Variants in MON2 observed in about 807,000 individuals in gnomAD.
MON2 encodes the protein MON2 regulator of endosome-to-Golgi trafficking, also known as protein MON2 homolog.
In MON2, 84 loss-of-function variants were observed where a neutral mutation model predicts 208.6. The ratio of observed to expected loss-of-function variants is 0.40; its 90% CI spans 0.34 to 0.48. The LOEUF is 0.48. MON2 is among the 20% of genes least tolerant of loss of function. The probability of loss-of-function intolerance (pLI) is 0.59; values close to 1 mark genes in which losing one functional copy is unlikely to be tolerated. For missense variants in MON2, 1,611 were observed against 2,015.4 expected, an observed-to-expected ratio of 0.80 and a Z score of 3.84; for synonymous variants, 660 against 694.0, an observed-to-expected ratio of 0.95 and a Z score of 0.77.
At chr12:62,546,206 AAT>A (rs750559115) in intron 21 of MON2, among the ~76,000 whole-genome samples, 1 of 152,208 alleles carries the variant, frequency 6.6e-6, no homozygotes, top group African/African-American at 2.4e-5. Flanking sequence ...GATATACATT[AAT>A]AAAGTAAATG....
chr12:62,533,918 C>G (rs2072779812), intron 12 of MON2, among the ~76,000 whole-genome samples: 1 of 152,172 alleles, frequency 6.6e-6, no homozygotes, highest in African/African-American at 2.4e-5. Flanking sequence ...ATTTGTAATT[C>G]CCTTCTCCAA....
At chr12:62,502,081 G>T (rs1276314051) in intron 7 of MON2, among the ~76,000 whole-genome samples, 1 of 152,038 alleles carries the variant, frequency 6.6e-6, no homozygotes, top group Non-Finnish European at 1.5e-5. Context: ...TTAGCCAGGC[G>T]TGATGGCGGG....
chr12:62,597,699 T>C lies in MON2; in HGVS notation c.*4950T>C, dbSNP rs901961710. The C allele has an allele frequency of 6.6e-6, 1 of 152,224 alleles. No homozygotes were observed. The highest frequency in any genetic ancestry group is 2.4e-5 in the African/African-American group (1 of 41,450). The allele number at this position is 152,224 out of a possible 1,614,324, so 9.4% of individuals were successfully genotyped here. ...AAATTTGGAATAATCATGTCTTTTCTGTTATGTGGGTAGAGAGATTATATA... is the reference window on the plus strand; with the variant it reads ...AAATTTGGAATAATCATGTCTTTTCCGTTATGTGGGTAGAGAGATTATATA... On this transcript the variant is annotated 3_prime_UTR_variant, in exon 35 of 35. Coordinates refer to ENST00000393630, the MANE Select transcript of MON2 (RefSeq NM_015026.3).
rs2030119408 is a variant in MON2, at chr12:62,594,663, A to G, written c.*1914A>G. On this transcript the variant is annotated 3_prime_UTR_variant, in exon 35 of 35. Transcript: ENST00000393630. The stretch of plus-strand genomic sequence containing the variant: ...ATGGTCTGTTCTTGAGAAATAAAAG[A>G]TCAGTTGCAATTAGGATAATTAAAT... The G allele has an allele frequency of 6.6e-6, 1 of 152,246 alleles. No individual in the cohort carries two copies. The highest frequency in any genetic ancestry group is 2.1e-4 in the South Asian group (1 of 4,838). 9.4% of individuals were successfully genotyped at this position (152,246 alleles called of 1,614,324 possible). A position where few individuals can be genotyped will look rare whatever the true frequency, so the allele number is the denominator to read the frequency against.
intron 5 of MON2, among the ~76,000 whole-genome samples, chr12:62,500,174 A>G (rs1026015866): frequency 2.0e-5 from 3 of 152,222 alleles, no homozygotes; most frequent in African/African-American, 4.8e-5. Context: ...AATACTTTAT[A>G]GTAAGGTAGA....
rs201512628 is a variant in MON2 at position 62,516,314 on chromosome 12, G to A, written c.984+7834G>A. On this transcript the variant is annotated intron_variant, in intron 8 of 34. Transcript: ENST00000393630. ...TGGGGAGCAGGGGGAAAGTAGGGATGGTTAATGGGTACAAAAATATGGGTA... is the reference window on the plus strand; with the variant it reads ...TGGGGAGCAGGGGGAAAGTAGGGATAGTTAATGGGTACAAAAATATGGGTA... Among the ~76,000 whole-genome samples the A allele has an allele frequency of 2.6e-5, 4 of 152,160 alleles. No homozygotes were observed. The East Asian group carries it at 7.7e-4, about 29-fold the overall frequency.
At chr12:62,558,602 T>C (rs970482148) in intron 25 of MON2, among the ~76,000 whole-genome samples, 2 of 152,202 alleles carry the variant, frequency 1.3e-5, no homozygotes, top group Non-Finnish European at 2.9e-5. Context: ...TTTTAATTGT[T>C]TGACATTTTA....
At chr12:62,474,318 A>T (rs10747965) in intron 1 of MON2, among the ~76,000 whole-genome samples, 74,480 of 151,576 alleles carry the variant, frequency 0.49, 18,546 homozygotes, top group Middle Eastern at 0.61. Context: ...GGGTTTCACC[A>T]TGTTGGCCAG....
chr12:62,513,582 C>G (rs574190041), intron 8 of MON2, among the ~76,000 whole-genome samples: 2 of 152,204 alleles, frequency 1.3e-5, no homozygotes, highest in Admixed American at 6.5e-5. Context: ...CTTTTATGCT[C>G]TGTTTCCCTT....
chr12:62,559,399 G>A (rs2074113559), intron 25 of MON2, among the ~76,000 whole-genome samples: 1 of 152,182 alleles, frequency 6.6e-6, no homozygotes, highest in Non-Finnish European at 1.5e-5. Flanking sequence ...GCTCATGGCT[G>A]TAATCCCAGC....
At chr12:62,569,752 G>C (rs1029044616) in intron 29 of MON2, among the ~76,000 whole-genome samples, 8 of 152,138 alleles carry the variant, frequency 5.3e-5, no homozygotes, top group African/African-American at 1.9e-4. Flanking sequence ...TGGAAGTAGG[G>C]ACAGTTCCTC....
At chr12:62,578,952 G>C (rs1268265278) in intron 31 of MON2, among the ~76,000 whole-genome samples, 4 of 152,060 alleles carry the variant, frequency 2.6e-5, no homozygotes, top group African/African-American at 7.2e-5. Context: ...AATATATTTT[G>C]AGGCTGGGAA....
chr12:62,540,926 AAG>A (rs1228012114), intron 19 of MON2, among the ~76,000 whole-genome samples: 1 of 152,234 alleles, frequency 6.6e-6, no homozygotes. Context: ...TTATTGAAAA[AAG>A]AATGTTCATC....
rs1272312695 is a variant in MON2 at position 62,593,782 on chromosome 12, G to T, written c.*1033G>T. The T allele has an allele frequency of 6.6e-6, 1 of 152,132 alleles. No individual in the cohort carries two copies. The highest frequency in any genetic ancestry group is 1.5e-5 in the Non-Finnish European group (1 of 68,000). 9.4% of individuals were successfully genotyped at this position (152,132 alleles called of 1,614,324 possible). A position where few individuals can be genotyped will look rare whatever the true frequency, so the allele number is the denominator to read the frequency against. ...GATTTTCTAAAATCTTGCCTGTGAG[G>T]TTTTGTTCATATCAGTGCTTCATTT... On this transcript the variant is annotated 3_prime_UTR_variant, in exon 35 of 35. Transcript: ENST00000393630.
Position 62,566,026 on chromosome 12 carries a change from G to C in MON2, c.4189G>C (p.Ala1397Pro). 6.2e-7 allele frequency: 1 copy of C among 1,610,724 alleles called. No individual in the cohort carries two copies. Among genetic ancestry groups the C allele is most frequent in the African/African-American group, 1.3e-5 (1 of 74,890 alleles). Residue 1397 changes from alanine to proline, a missense_variant, in exon 28 of 35, where the codon GCA becomes CCA. Ala to Pro is a conservative substitution (Grantham distance 27, BLOSUM62 -1). Transcript: ENST00000393630. ...NAKYNQIQLF[A>P]PAEWVALNYV... ...GGAATCACAATAGATCCAACTATTT[G>C]CACCGGTGAGTTAAATTTCCTAAAA...
chr12:62,477,490 A>G (rs554504942), intron 1 of MON2, among the ~76,000 whole-genome samples: 25 of 151,948 alleles, frequency 1.6e-4, no homozygotes, highest in Middle Eastern at 3.4e-3. Context: ...TGGCAGTGCA[A>G]TCACAACTCA....
At chr12:62,471,835 T>C (rs866669304) in intron 1 of MON2, among the ~76,000 whole-genome samples, 1 of 152,288 alleles carries the variant, frequency 6.6e-6, no homozygotes, top group South Asian at 2.1e-4. Flanking sequence ...AGGATTTCAA[T>C]CTGAGAAAGG....
In MON2 at chr12:62,561,187, C is replaced by T. The variant is rs542835563; in HGVS notation, c.4032+74C>T. The T allele has an allele frequency of 4.4e-5, 55 of 1,263,350 alleles. No homozygotes were observed. In the East Asian group the frequency reaches 8.4e-4, roughly 19 times the overall value. The allele number at this position is 1,263,350 out of a possible 1,614,324, so 78.3% of individuals were successfully genotyped here. On this transcript the variant is annotated intron_variant, in intron 26 of 34. Transcript: ENST00000393630. Reference sequence around the variant, plus strand: ...TTTTTTTTATTTTGCTATATATTTGCGGGGATAAATTTTAGATCATCAAGA... The same window carrying T: ...TTTTTTTTATTTTGCTATATATTTGTGGGGATAAATTTTAGATCATCAAGA...
chr12:62,534,473 C>G (rs1170439709), intron 12 of MON2, among the ~76,000 whole-genome samples: 7 of 131,518 alleles, frequency 5.3e-5, no homozygotes, highest in Non-Finnish European at 9.3e-5. Context: ...GAGCCAAGAT[C>G]ATGCCACTGC....
Sources: gnomAD v4.1 joint callset for allele counts (sites outside exome capture counted in the v4.1 genomes callset) on GRCh38, gnomAD v4.1.1 for gene constraint, MANE v1.5 for transcripts, NCBI Gene and HGNC (gene_info 2026-07-23, HGNC 2026-07-21) for gene names.